COL25A1: variants seen among roughly 807,000 people sequenced by gnomAD.
COL25A1 encodes collagen type XXV alpha 1 chain.
In COL25A1, 103 loss-of-function variants were observed where a neutral mutation model predicts 128.4. That is an observed-to-expected ratio of 0.80 (90% CI 0.68 to 0.94). The LOEUF is 0.94. Ranked by LOEUF, COL25A1 falls within the 40% of genes least tolerant of loss-of-function variation. The probability of loss-of-function intolerance (pLI) is 0.00; values close to 1 mark genes in which losing one functional copy is unlikely to be tolerated. For synonymous variants in COL25A1, 279 were observed against 277.2 expected (o/e 1.01, Z -0.06); for missense variants, 745 against 840.0 (o/e 0.89, Z 1.40).
intron 3 of COL25A1, among the ~76,000 whole-genome samples, chr4:109,244,680 C>A (rs1780144593): frequency 6.6e-6 from 1 of 152,094 alleles, no homozygotes; most frequent in Non-Finnish European, 1.5e-5. Flanking sequence ...GATTCAATAA[C>A]AGCAGAACTT....
chr4:109,275,497 T>C (rs1296798952), intron 3 of COL25A1, among the ~76,000 whole-genome samples: 1 of 152,146 alleles, frequency 6.6e-6, no homozygotes, highest in Non-Finnish European at 1.5e-5. Flanking sequence ...CACAGAGATG[T>C]GTGACCCACT....
intron 3 of COL25A1, among the ~76,000 whole-genome samples, chr4:109,228,849 A>G (rs1450097251): frequency 6.6e-6 from 1 of 152,228 alleles, no homozygotes; most frequent in East Asian, 1.9e-4. Context: ...CAGATAGTAC[A>G]GTGGCTAAGA....
intron 3 of COL25A1, among the ~76,000 whole-genome samples, chr4:109,197,552 G>A (rs555704646): frequency 1.4e-5 from 2 of 139,366 alleles, no homozygotes; most frequent in Non-Finnish European, 3.0e-5. Flanking sequence ...AATAGAGAGA[G>A]AGAGTCACAG....
intron 3 of COL25A1, among the ~76,000 whole-genome samples, chr4:109,053,718 T>C (rs1761188099): frequency 6.6e-6 from 1 of 152,262 alleles, no homozygotes; most frequent in Non-Finnish European, 1.5e-5. Context: ...ACAAGGATGT[T>C]ATTTGTCTTT....
chr4:109,030,896 G>A (rs1398821124), intron 5 of COL25A1, among the ~76,000 whole-genome samples: 1 of 151,990 alleles, frequency 6.6e-6, no homozygotes. Context: ...GGGTCTACAT[G>A]CCTGGCTAAC....
rs756928692 is a variant in COL25A1, at chr4:108,940,602, T to C, written c.609A>G (p.Pro203=). 3.7e-6 allele frequency: 6 copies of C among 1,611,558 alleles called. No homozygotes were observed. The highest frequency in any genetic ancestry group is 5.1e-6 in the Non-Finnish European group (6 of 1,178,644). The stretch of plus-strand genomic sequence containing the variant: ...TGTCCCCAGGTGGCCCTCTTGGGCC[T>C]GGAGGGCCAGGGGGTCCTGGAGGCC... ...QAGPPGPPGP[P]GPRGPPGDTG... Residue 203 remains proline (P), a synonymous_variant, in exon 10 of 38, where the codon CCA becomes CCG. Coordinates refer to ENST00000399132, the MANE Select transcript of COL25A1 (RefSeq NM_198721.4).
chr4:109,299,176 C>A (rs1335393734), intron 3 of COL25A1, among the ~76,000 whole-genome samples: 1 of 152,134 alleles, frequency 6.6e-6, no homozygotes, highest in African/African-American at 2.4e-5. Context: ...CAAAAAAATG[C>A]TGGACTCTAC....
At chr4:108,920,679 A>G (rs368771444) in intron 11 of COL25A1, 75 bp from the exon 12 acceptor site, 150 of 954,828 alleles carry the variant, frequency 1.6e-4, no homozygotes, top group Non-Finnish European at 2.2e-4. Context: ...AAACTGTCCT[A>G]TTCTCTAAGA....
intron 3 of COL25A1, among the ~76,000 whole-genome samples, chr4:109,111,496 T>A (rs1303548114): frequency 6.6e-6 from 1 of 152,208 alleles, no homozygotes; most frequent in Non-Finnish European, 1.5e-5. Flanking sequence ...AATAAACCAA[T>A]AATGTGCCCT....
intron 13 of COL25A1, among the ~76,000 whole-genome samples, chr4:108,904,643 G>T (rs916556282): frequency 6.6e-6 from 1 of 152,014 alleles, no homozygotes; most frequent in Non-Finnish European, 1.5e-5. Context: ...GTATGTGGGT[G>T]GGGGGAGCTG....
intron 6 of COL25A1, among the ~76,000 whole-genome samples, chr4:108,993,553 C>G (rs568458842): frequency 1.3e-5 from 2 of 152,114 alleles, no homozygotes; most frequent in Non-Finnish European, 2.9e-5. Flanking sequence ...AAACTTCCAC[C>G]ATGTGCAAGA....
chr4:108,943,762 T>C (rs924877217), intron 8 of COL25A1, among the ~76,000 whole-genome samples: 1 of 152,052 alleles, frequency 6.6e-6, no homozygotes, highest in African/African-American at 2.4e-5. Flanking sequence ...GAGAGAAATT[T>C]TGGCTTTGTT....
intron 3 of COL25A1, among the ~76,000 whole-genome samples, chr4:109,214,999 T>C (rs1777874421): frequency 6.6e-6 from 1 of 152,166 alleles, no homozygotes; most frequent in East Asian, 1.9e-4. Context: ...TCTGGAGATT[T>C]TTCCCTTAGC....
chr4:109,122,234 T>C (rs1254310115), intron 3 of COL25A1, among the ~76,000 whole-genome samples: 1 of 151,984 alleles, frequency 6.6e-6, no homozygotes, highest in Admixed American at 6.6e-5. Flanking sequence ...ACCCACAGAA[T>C]GTCCAGTGCC....
rs193024779 is a variant in COL25A1, at chr4:108,827,186, A to T, written c.1713T>A (p.Gly571=). 86 of 1,613,536 alleles carry T rather than the reference A, an allele frequency of 5.3e-5. 2 individuals are homozygous for T. In the East Asian group the frequency reaches 1.9e-3, roughly 36 times the overall value. ...CAGGCTCTCCCATAGCTCCTTTTTC[A>T]CCCTAAAATGAAAAGTAGAAAGTTC... The part of the protein sequence containing the change: ...HGPAGPKGER[G]EKGAMGEPGP... Residue 571 remains glycine, a splice_region_variant and synonymous_variant, in exon 33 of 38, where the codon GGT becomes GGA. Transcript: ENST00000399132.
intron 19 of COL25A1, among the ~76,000 whole-genome samples, chr4:108,873,054 G>A (rs759799644): frequency 1.3e-5 from 2 of 151,746 alleles, no homozygotes; most frequent in Non-Finnish European, 2.9e-5. Context: ...CACCACGCCT[G>A]GCTAATTTTT....
At chr4:109,020,299 C>T (rs140589284) in intron 5 of COL25A1, among the ~76,000 whole-genome samples, 66 of 152,270 alleles carry the variant, frequency 4.3e-4, no homozygotes, top group South Asian at 8.3e-4. Context: ...ACCTTAGCTA[C>T]AGTCAACTAA....
intron 3 of COL25A1, among the ~76,000 whole-genome samples, chr4:109,116,650 A>T (rs779403548): frequency 6.6e-6 from 1 of 152,108 alleles, no homozygotes; most frequent in Non-Finnish European, 1.5e-5. Flanking sequence ...ATGGTGTCAG[A>T]GACTGAACAA....
intron 8 of COL25A1, among the ~76,000 whole-genome samples, chr4:108,972,617 T>C (rs990710188): frequency 2.0e-5 from 3 of 152,198 alleles, no homozygotes; most frequent in African/African-American, 7.2e-5. Flanking sequence ...TCATCCTGTA[T>C]TAGGAATTCA....
Sources: allele counts gnomAD v4.1 joint callset (sites outside exome capture counted in the v4.1 genomes callset), GRCh38; gene constraint gnomAD v4.1.1; transcripts MANE v1.5; gene names NCBI Gene and HGNC (gene_info 2026-07-23, HGNC 2026-07-21).